The following ATP6V1C2 variants were observed in gnomAD, a reference collection of about 807,000 sequenced individuals.
ATP6V1C2 encodes ATPase H+ transporting V1 subunit C2.
ATP6V1C2 carries 45 observed loss-of-function variants against 56.8 expected under a neutral mutation model. The observed-to-expected ratio is 0.79, with a 90% CI of 0.62 to 1.02. ATP6V1C2 has a LOEUF of 1.02. ATP6V1C2 is among the 50% of genes least tolerant of loss of function. The pLI is 0.00. For synonymous variants in ATP6V1C2, 220 were observed against 201.3 expected (o/e 1.09, Z -0.79); for missense variants, 463 against 519.7 (o/e 0.89, Z 1.06).
chr2:10,722,855 G>A lies in ATP6V1C2; in HGVS notation c.6G>A (p.Ser2=). Reference sequence around the variant, plus strand: ...GGTAAGAGAAGACTGGAAGCATGTCGGAGTTTTGGTTAATTTCTGCCCCTG... The same window carrying A: ...GGTAAGAGAAGACTGGAAGCATGTCAGAGTTTTGGTTAATTTCTGCCCCTG... M[S]EFWLISAPGD... is the part of the protein sequence containing the mutation. The change falls in exon 2 of 14, where the codon TCG becomes TCA. Residue 2 remains serine (S), a synonymous_variant. Coordinates refer to ENST00000272238, the MANE Select transcript of ATP6V1C2 (RefSeq NM_001039362.2). The A allele has an allele frequency of 2.5e-6, 4 of 1,614,022 alleles. No individual in the cohort carries two copies. Among genetic ancestry groups the A allele is most frequent in the Non-Finnish European group, 3.4e-6 (4 of 1,179,994 alleles).
intron 2 of ATP6V1C2, among the ~76,000 whole-genome samples, chr2:10,723,723 T>C (rs907350645): frequency 5.3e-5 from 8 of 150,910 alleles, no homozygotes; most frequent in African/African-American, 9.7e-5. Flanking sequence ...CCTGTAGTCC[T>C]AGCTACTCGG....
At chr2:10,778,470 C>A (rs1050167654) in intron 11 of ATP6V1C2, 102 bp from the exon 12 acceptor site, 4 of 1,084,808 alleles carry the variant, frequency 3.7e-6, no homozygotes, top group South Asian at 1.3e-5. Flanking sequence ...CTGGGCACTT[C>A]TTCTCAGCTC....
rs34096158 is a variant in ATP6V1C2 at position 10,760,030 on chromosome 2, GTTTTTTT to G, written c.284-4293_284-4287del. Among the ~76,000 whole-genome samples the G allele has an allele frequency of 1.3e-4, 18 of 133,842 alleles. 1 individual carries two copies. Among genetic ancestry groups the G allele is most frequent in the African/African-American group, 4.9e-4 (18 of 36,860 alleles). The allele number at this position is 133,842 out of a possible 152,430, so 87.8% of individuals were successfully genotyped here. A position where few individuals can be genotyped will look rare whatever the true frequency, so the allele number is the denominator to read the frequency against. ...AAAGACAAGCAGTTTTTTGTTTTTT[GTTTTTTT>G]TTTTTTTGCTTTTTGAAAAAAAATA... On this transcript the variant is annotated intron_variant, in intron 4 of 13. Coordinates refer to ENST00000272238, the MANE Select transcript of ATP6V1C2 (RefSeq NM_001039362.2).
At chr2:10,746,662 G>A (rs547860072) in intron 3 of ATP6V1C2, among the ~76,000 whole-genome samples, 3 of 151,908 alleles carry the variant, frequency 2.0e-5, no homozygotes, top group Non-Finnish European at 2.9e-5. Context: ...CACCCGCCTC[G>A]GCCTTCCAAA....
chr2:10,769,017 T>C (rs1232284161), intron 6 of ATP6V1C2, among the ~76,000 whole-genome samples: 1 of 152,178 alleles, frequency 6.6e-6, no homozygotes, highest in Admixed American at 6.5e-5. Context: ...ACCCCGTGCA[T>C]GTGCCCAGGG....
At chr2:10,761,157 A>G (rs1374941133) in intron 4 of ATP6V1C2, among the ~76,000 whole-genome samples, 1 of 152,150 alleles carries the variant, frequency 6.6e-6, no homozygotes, top group Non-Finnish European at 1.5e-5. Context: ...GGACAGAGGT[A>G]CTGTGAGAGG....
chr2:10,722,240 G>A (rs978851869), intron 1 of ATP6V1C2, among the ~76,000 whole-genome samples: 4 of 152,144 alleles, frequency 2.6e-5, no homozygotes, highest in Non-Finnish European at 5.9e-5. Flanking sequence ...ACCCAGCACT[G>A]CTGAGCGGGC....
chr2:10,782,179 A>G (rs953842286), intron 12 of ATP6V1C2, 64 bp from the exon 13 acceptor site: 2 of 1,586,674 alleles, frequency 1.3e-6, no homozygotes, highest in African/African-American at 1.3e-5. Flanking sequence ...GTTTCTGGTC[A>G]GGTTCCTTCT....
chr2:10,758,029 G>A (rs1246817819), intron 4 of ATP6V1C2, among the ~76,000 whole-genome samples: 2 of 152,224 alleles, frequency 1.3e-5, no homozygotes, highest in Non-Finnish European at 2.9e-5. Context: ...AGAATCTTTA[G>A]AGATTGGCAG....
At chr2:10,759,865 T>C (rs1663795628) in intron 4 of ATP6V1C2, among the ~76,000 whole-genome samples, 1 of 152,182 alleles carries the variant, frequency 6.6e-6, no homozygotes, top group Non-Finnish European at 1.5e-5. Flanking sequence ...TTATATCAGG[T>C]CGCACAGCCA....
In ATP6V1C2 at chr2:10,763,316, G is replaced by A. The variant is rs1664031767; in HGVS notation, c.284-1015G>A. On this transcript the variant is annotated intron_variant, in intron 4 of 13. Transcript: ENST00000272238. This position sits in a 1 kb window ranked among gnomAD's most constrained non-coding sequence, Gnocchi z 4.2. ...ATACCATGTCTGTGTCCCAGTGAAG[G>A]GACACGATCCTCCCTAGGAGGAGCC... 6.6e-6 allele frequency among the ~76,000 whole-genome samples: 1 copy of A among 152,006 alleles called. No homozygotes were observed. The highest frequency in any genetic ancestry group is 6.6e-5 in the Admixed American group (1 of 15,260).
chr2:10,744,669 CTTTTTTTTTTTTTTT>C (rs772851204), intron 3 of ATP6V1C2, among the ~76,000 whole-genome samples: 1 of 125,566 alleles, frequency 8.0e-6, no homozygotes, highest in African/African-American at 3.0e-5. Flanking sequence ...TTCTCTTTTT[CTTTTTTTTTTTTTTT>C]TTTGAGACAG....
intron 4 of ATP6V1C2, among the ~76,000 whole-genome samples, chr2:10,757,688 T>G (rs1427821397): frequency 6.6e-6 from 1 of 152,238 alleles, no homozygotes; most frequent in Non-Finnish European, 1.5e-5. Context: ...GCATGCCGCC[T>G]GGAAGCTGGG....
chr2:10,757,456 A>G, intron 4 of ATP6V1C2: 1 of 398,602 alleles, frequency 2.5e-6, no homozygotes, highest in East Asian at 3.6e-5. Context: ...ATGTTTAAAG[A>G]GTAGGTTATG....
intron 6 of ATP6V1C2, among the ~76,000 whole-genome samples, chr2:10,770,890 C>T (rs1664557755): frequency 6.6e-6 from 1 of 152,220 alleles, no homozygotes. Flanking sequence ...ACAATTTTTG[C>T]ACTTGCAGAG....
At chr2:10,735,541 A>G (rs1341412316) in intron 3 of ATP6V1C2, among the ~76,000 whole-genome samples, 1 of 151,264 alleles carries the variant, frequency 6.6e-6, no homozygotes, top group African/African-American at 2.4e-5. Flanking sequence ...CTGGAGCTCT[A>G]GAGAATTATT....
intron 3 of ATP6V1C2, among the ~76,000 whole-genome samples, chr2:10,751,913 G>T (rs1411375667): frequency 3.3e-5 from 5 of 152,088 alleles, no homozygotes; most frequent in Non-Finnish European, 7.3e-5. Flanking sequence ...TTCGAGACCA[G>T]CTTAGGCAAT....
intron 3 of ATP6V1C2, among the ~76,000 whole-genome samples, chr2:10,740,782 G>A (rs1192286438): frequency 6.6e-6 from 1 of 152,198 alleles, no homozygotes; most frequent in Non-Finnish European, 1.5e-5. Flanking sequence ...TGCCTCCCAG[G>A]TTCAAGTGAT....
chr2:10,782,250 C>T lies in ATP6V1C2; in HGVS notation c.1069C>T (p.Leu357=). ...VFVESVLRYG[L]PVNFQAVLLQ... is the part of the protein sequence containing the mutation. ...TTTTGTCTATCTGAAAAGGTATGGA[C>T]TACCAGTGAACTTCCAGGCAGTGCT... is the stretch of plus-strand genomic sequence containing the variant. Residue 357 remains leucine, a synonymous_variant, in exon 13 of 14, where the codon CTA becomes TTA. Transcript: ENST00000272238. 2 of 1,614,116 alleles carry T rather than the reference C, an allele frequency of 1.2e-6. No homozygotes were observed. The highest frequency in any genetic ancestry group is 3.3e-5 in the Admixed American group (2 of 60,012).
Sources: allele counts gnomAD v4.1 joint callset (sites outside exome capture counted in the v4.1 genomes callset), GRCh38; gene constraint gnomAD v4.1.1; non-coding constraint Gnocchi (gnomAD v3.1); transcripts MANE v1.5; gene names NCBI Gene and HGNC (gene_info 2026-07-23, HGNC 2026-07-21).